The following PARD3B variants were observed in gnomAD, a reference collection of about 807,000 sequenced individuals.
PARD3B encodes the protein par-3 family cell polarity regulator beta.
PARD3B carries 103 observed loss-of-function variants against 130.2 expected under a neutral mutation model. The observed-to-expected ratio is 0.79, with a 90% confidence interval of 0.67 to 0.93. PARD3B has a LOEUF of 0.93. Among genes scored for constraint, PARD3B ranks in the 40% least tolerant of loss-of-function variants. PARD3B has a pLI of 0.00. For missense variants in PARD3B, 1,609 were observed against 1,499.2 expected, an observed-to-expected ratio of 1.07 and a Z score of -1.21; for synonymous variants, 583 against 553.2, an observed-to-expected ratio of 1.05 and a Z score of -0.76.
chr2:204,978,218 G>C (rs2125198729), intron 3 of PARD3B, among the ~76,000 whole-genome samples: 1 of 152,280 alleles, frequency 6.6e-6, no homozygotes, highest in South Asian at 2.1e-4. Flanking sequence ...TCTAGTCTGT[G>C]TGTCTCTGAG....
At chr2:204,957,355 A>T (rs1431562443) in intron 2 of PARD3B, among the ~76,000 whole-genome samples, 2 of 152,190 alleles carry the variant, frequency 1.3e-5, no homozygotes, top group African/African-American at 4.8e-5. Flanking sequence ...TTAAAAAGTG[A>T]TAAGGATAAA....
rs2046075980 is a variant in PARD3B, at chr2:205,397,525, T to G, written c.2631-3488T>G. On this transcript the variant is annotated intron_variant, in intron 18 of 22. Coordinates refer to ENST00000406610, the MANE Select transcript of PARD3B (RefSeq NM_001302769.2). This position sits in a 1 kb window ranked among gnomAD's most constrained non-coding sequence, Gnocchi z 4.8. Reference sequence around the variant, plus strand: ...ACATTTTAGCTACCAGAAACAAAAATAATTTATTGGGTGTGGTAATAAACA... The same window carrying G: ...ACATTTTAGCTACCAGAAACAAAAAGAATTTATTGGGTGTGGTAATAAACA... Among the ~76,000 whole-genome samples, 1 of 152,118 alleles carries G rather than the reference T, an allele frequency of 6.6e-6. No individual in the cohort carries two copies. Among genetic ancestry groups the G allele is most frequent in the Admixed American group, 6.5e-5 (1 of 15,278 alleles).
In PARD3B at chr2:205,160,892, G is replaced by A. The variant is rs1391727357; in HGVS notation, c.1620+1985G>A. On this transcript the variant is annotated intron_variant, in intron 11 of 22. Coordinates refer to ENST00000406610, the MANE Select transcript of PARD3B (RefSeq NM_001302769.2). The surrounding 1 kb of genome is among the most constrained non-coding windows in gnomAD (Gnocchi z 4.0). The stretch of plus-strand genomic sequence containing the variant: ...CAGGCAGTCTGACTCCAGAACCTGC[G>A]TTATGCTGCACTGAAATGAAGCTCT... Among the ~76,000 whole-genome samples the A allele has an allele frequency of 1.3e-5, 2 of 152,116 alleles. No homozygotes were observed. Among genetic ancestry groups the A allele is most frequent in the Non-Finnish European group, 1.5e-5 (1 of 68,032 alleles).
chr2:205,026,532 A>G (rs1461942831), intron 3 of PARD3B, among the ~76,000 whole-genome samples: 1 of 152,150 alleles, frequency 6.6e-6, no homozygotes, highest in Non-Finnish European at 1.5e-5. Context: ...GCATGTGTCT[A>G]TATGGTGAGG....
At chr2:204,564,669 T>C (rs1441214277) in intron 1 of PARD3B, among the ~76,000 whole-genome samples, 1 of 152,158 alleles carries the variant, frequency 6.6e-6, no homozygotes, top group Non-Finnish European at 1.5e-5. Flanking sequence ...TATATACCAT[T>C]TTTTTGCAAA....
chr2:204,948,064 G>C (rs867166418), intron 2 of PARD3B, among the ~76,000 whole-genome samples: 1 of 152,174 alleles, frequency 6.6e-6, no homozygotes, highest in Non-Finnish European at 1.5e-5. Flanking sequence ...AATACTTCCT[G>C]TTGTAAGGTA....
intron 2 of PARD3B, among the ~76,000 whole-genome samples, chr2:204,863,058 A>T (rs562746032): frequency 2.0e-5 from 3 of 152,262 alleles, no homozygotes; most frequent in East Asian, 3.9e-4. Flanking sequence ...GGCGGGCTCC[A>T]TCCGGGACCA....
Position 204,943,740 on chromosome 2 carries a change from T to G in PARD3B, c.223-21412T>G, listed in dbSNP as rs1326316579. Among the ~76,000 whole-genome samples the G allele has an allele frequency of 6.6e-6, 1 of 152,166 alleles. No individual in the cohort carries two copies. Among genetic ancestry groups the G allele is most frequent in the African/African-American group, 2.4e-5 (1 of 41,440 alleles). ...AAGCAGAGGACAAATCCATCCTCTCTTCCTTGAGGGAAAGTTCGCCTCTCC... is the reference window on the plus strand; with the variant it reads ...AAGCAGAGGACAAATCCATCCTCTCGTCCTTGAGGGAAAGTTCGCCTCTCC... On this transcript the variant is annotated intron_variant, in intron 2 of 22. Transcript: ENST00000406610. The surrounding 1 kb of genome is among the most constrained non-coding windows in gnomAD (Gnocchi z 4.2).
At chr2:205,239,397 TA>T (rs1277833497) in intron 15 of PARD3B, among the ~76,000 whole-genome samples, 2 of 152,116 alleles carry the variant, frequency 1.3e-5, no homozygotes, top group African/African-American at 4.8e-5. Context: ...TTAATGAAAC[TA>T]TTTAACATAT....
intron 1 of PARD3B, among the ~76,000 whole-genome samples, chr2:204,653,560 G>T (rs930653662): frequency 2.7e-5 from 4 of 150,748 alleles, no homozygotes; most frequent in Admixed American, 6.6e-5. Context: ...GGAGGCCGAG[G>T]TGGGTGGATC....
At position 205,265,460 on chromosome 2, in the gene PARD3B, T is replaced by C. The variant is rs1477018490; in HGVS notation, c.2185+19638T>C. ...GCTGATGTAATTTGGACATTGCTTT[T>C]CTGCCTACAAATGGGACGATTCCTG... On this transcript the variant is annotated intron_variant, in intron 16 of 22. Transcript: ENST00000406610. The surrounding 1 kb of genome is among the most constrained non-coding windows in gnomAD (Gnocchi z 4.3). Among the ~76,000 whole-genome samples, 2 of 152,066 alleles carry C rather than the reference T, an allele frequency of 1.3e-5. No homozygotes were observed. The highest frequency in any genetic ancestry group is 4.8e-5 in the African/African-American group (2 of 41,440).
chr2:205,547,564 T>C (rs577162306), intron 21 of PARD3B, among the ~76,000 whole-genome samples: 1 of 152,320 alleles, frequency 6.6e-6, no homozygotes, highest in South Asian at 2.1e-4. Flanking sequence ...GAGCTGTTGC[T>C]ATTTCTATGT....
chr2:204,913,808 A>C (rs2047339508), intron 2 of PARD3B, among the ~76,000 whole-genome samples: 1 of 152,200 alleles, frequency 6.6e-6, no homozygotes, highest in South Asian at 2.1e-4. Flanking sequence ...TTATTTTCTC[A>C]AATGGTTACT....
chr2:204,575,569 T>A (rs2032214861), intron 1 of PARD3B, among the ~76,000 whole-genome samples: 1 of 152,224 alleles, frequency 6.6e-6, no homozygotes, highest in African/African-American at 2.4e-5. Flanking sequence ...AGAATGGACT[T>A]AGGCTGGAAA....
In PARD3B at chr2:205,183,506, TG is replaced by T. The variant is rs1353684662; in HGVS notation, c.1925-2255del. 6.6e-6 allele frequency among the ~76,000 whole-genome samples: 1 copy of T among 152,192 alleles called. No homozygotes were observed. The highest frequency in any genetic ancestry group is 2.1e-4 in the South Asian group (1 of 4,818). ...ACTGCTGCCACCACTAACAAATCAATGGGCCCCTAGGGTTGGAGGTGGTGCA... is the reference window on the plus strand; with the variant it reads ...ACTGCTGCCACCACTAACAAATCAATGGCCCCTAGGGTTGGAGGTGGTGCA... On this transcript the variant is annotated intron_variant, in intron 13 of 22. Coordinates refer to ENST00000406610, the MANE Select transcript of PARD3B (RefSeq NM_001302769.2). The surrounding 1 kb of genome is among the most constrained non-coding windows in gnomAD (Gnocchi z 5.2).
chr2:205,411,248 A>T (rs1342483132), intron 19 of PARD3B, among the ~76,000 whole-genome samples: 1 of 152,176 alleles, frequency 6.6e-6, no homozygotes, highest in Non-Finnish European at 1.5e-5. Context: ...AGATAGATAG[A>T]TATAATAGAA....
intron 4 of PARD3B, among the ~76,000 whole-genome samples, chr2:205,048,875 A>T (rs1559387286): frequency 6.6e-6 from 1 of 152,216 alleles, no homozygotes; most frequent in Non-Finnish European, 1.5e-5. Context: ...CTAAGGAAAT[A>T]TATTTGATGG....
At chr2:205,181,850 C>CTG (rs2035805200) in intron 13 of PARD3B, among the ~76,000 whole-genome samples, 1 of 152,234 alleles carries the variant, frequency 6.6e-6, no homozygotes, top group South Asian at 2.1e-4. Context: ...ATCAAGAAGA[C>CTG]TGTACCTCGT....
Position 205,562,021 on chromosome 2 carries a change from C to T in PARD3B, c.3260+8618C>T, listed in dbSNP as rs565475611. On this transcript the variant is annotated intron_variant, in intron 22 of 22. Transcript: ENST00000406610. The surrounding 1 kb of genome is among the most constrained non-coding windows in gnomAD (Gnocchi z 5.4). The stretch of plus-strand genomic sequence containing the variant: ...CAAGGACAAAATGATGAATTAGCAG[C>T]GATTTAATTCTTTGTGAGATTAAGA... 1.2e-4 allele frequency among the ~76,000 whole-genome samples: 19 copies of T among 152,090 alleles called. No individual in the cohort carries two copies. Among genetic ancestry groups the T allele is most frequent in the Admixed American group, 3.9e-4 (6 of 15,268 alleles).
Sources: allele counts gnomAD v4.1 joint callset (sites outside exome capture counted in the v4.1 genomes callset), GRCh38; gene constraint gnomAD v4.1.1; non-coding constraint Gnocchi (gnomAD v3.1); transcripts MANE v1.5; gene names NCBI Gene and HGNC (gene_info 2026-07-23, HGNC 2026-07-21).